The following LRIG1 variants were observed in gnomAD, a reference collection of about 807,000 sequenced individuals.
LRIG1 encodes leucine rich repeats and immunoglobulin like domains 1, also known as leucine-rich repeats and immunoglobulin-like domains protein 1.
LRIG1 carries 48 observed loss-of-function variants against 99.2 expected under a neutral mutation model. The ratio of observed to expected loss-of-function variants is 0.48; its 90% CI spans 0.38 to 0.62. LRIG1 has a LOEUF of 0.62. LRIG1 is among the 20% of genes least tolerant of loss of function. The pLI is 0.00. For synonymous variants in LRIG1, 772 were observed against 596.1 expected (o/e 1.29, Z -4.30); for missense variants, 1,646 against 1,434.4 (o/e 1.15, Z -2.38).
At chr3:66,397,139 C>A (rs1190521552) in intron 11 of LRIG1, among the ~76,000 whole-genome samples, 1 of 152,226 alleles carries the variant, frequency 6.6e-6, no homozygotes, top group Non-Finnish European at 1.5e-5. Flanking sequence ...CTGAGGCTCA[C>A]AGCATGCTGA....
At chr3:66,432,583 A>T (rs1703208776) in intron 3 of LRIG1, among the ~76,000 whole-genome samples, 1 of 152,156 alleles carries the variant, frequency 6.6e-6, no homozygotes, top group Admixed American at 6.5e-5. Context: ...CCCATTTTAC[A>T]GATGGGGATG....
rs149483623 is a variant in LRIG1, at chr3:66,492,744, T to C, written c.218+7446A>G. Among the ~76,000 whole-genome samples, 649 of 152,280 alleles carry C rather than the reference T, an allele frequency of 4.3e-3. 9 individuals are homozygous for C. The highest frequency in any genetic ancestry group is 0.015 in the African/African-American group (631 of 41,552). Reference sequence around the variant, plus strand: ...GGTTCATAAGGAAACCAAAATGTATTAGGACTTGCAGAAATGAACAGATTG... The same window carrying C: ...GGTTCATAAGGAAACCAAAATGTATCAGGACTTGCAGAAATGAACAGATTG... On this transcript the variant is annotated intron_variant, in intron 1 of 18. Coordinates refer to ENST00000273261, the MANE Select transcript of LRIG1 (RefSeq NM_015541.3).
At position 66,410,123 on chromosome 3, in the gene LRIG1, A is replaced by G; in HGVS notation, c.935+6T>C. 2 of 1,609,408 alleles carry G rather than the reference A, an allele frequency of 1.2e-6. No homozygotes were observed. Among genetic ancestry groups the G allele is most frequent in the South Asian group, 2.2e-5 (2 of 90,250 alleles). On this transcript the variant is annotated splice_donor_region_variant and intron_variant, in intron 7 of 18. Transcript: ENST00000273261. ...ACTGCCACAGCCCAGAGCCGAGGAC[A>G]CTTACAACTCATGCAGCTTCTGGCA...
At chr3:66,382,188 T>C (rs1701116262) in intron 16 of LRIG1, 85 bp downstream of exon 16, 2 of 1,526,252 alleles carry the variant, frequency 1.3e-6, no homozygotes, top group South Asian at 2.3e-5. Flanking sequence ...GCCAGGTACC[T>C]GCCCTGTAAA....
intron 2 of LRIG1, among the ~76,000 whole-genome samples, chr3:66,456,121 T>C (rs1253835060): frequency 1.3e-5 from 2 of 152,340 alleles, no homozygotes; most frequent in Non-Finnish European, 2.9e-5. Context: ...TTGCACCCTT[T>C]ATCAATCCAA....
chr3:66,443,530 C>T (rs1340548434), intron 3 of LRIG1, among the ~76,000 whole-genome samples: 10 of 151,934 alleles, frequency 6.6e-5, no homozygotes, highest in Non-Finnish European at 1.3e-4. Context: ...AGGAGGTTTG[C>T]AGAACAGGGA....
intron 3 of LRIG1, among the ~76,000 whole-genome samples, chr3:66,446,290 C>T (rs1252044220): frequency 6.6e-6 from 1 of 152,094 alleles, no homozygotes; most frequent in African/African-American, 2.4e-5. Flanking sequence ...GGAAGGTGAC[C>T]ACCTCCCCGC....
At chr3:66,465,726 T>C (rs1044832317) in intron 1 of LRIG1, among the ~76,000 whole-genome samples, 2 of 152,126 alleles carry the variant, frequency 1.3e-5, no homozygotes, top group Non-Finnish European at 2.9e-5. Flanking sequence ...TTTGTAACCA[T>C]TTTTAAGTGT....
At chr3:66,495,758 G>A (rs1214133968) in intron 1 of LRIG1, among the ~76,000 whole-genome samples, 1 of 152,168 alleles carries the variant, frequency 6.6e-6, no homozygotes, top group Non-Finnish European at 1.5e-5. Context: ...ACAGCACTGG[G>A]CCAGGTGCAT....
chr3:66,457,503 G>A (rs1401042329), intron 2 of LRIG1, among the ~76,000 whole-genome samples: 2 of 152,178 alleles, frequency 1.3e-5, no homozygotes, highest in African/African-American at 4.8e-5. Flanking sequence ...TCTAAACAAT[G>A]CACCCAGCTT....
intron 2 of LRIG1, among the ~76,000 whole-genome samples, chr3:66,452,319 C>T (rs567560196): frequency 6.6e-6 from 1 of 152,322 alleles, no homozygotes; most frequent in Admixed American, 6.5e-5. Flanking sequence ...ATATGTATTT[C>T]CATAGTTAAT....
At chr3:66,401,524 G>C in intron 9 of LRIG1, 1 of 911,150 alleles carries the variant, frequency 1.1e-6, no homozygotes, top group South Asian at 2.0e-5. Flanking sequence ...ATTTTTAACG[G>C]TGACAATAGC....
chr3:66,411,602 G>A (rs1022143121), intron 6 of LRIG1, among the ~76,000 whole-genome samples: 12 of 152,202 alleles, frequency 7.9e-5, no homozygotes, highest in African/African-American at 2.7e-4. Context: ...CACAGAGTAG[G>A]GAGGGCTGGT....
intron 1 of LRIG1, among the ~76,000 whole-genome samples, chr3:66,475,751 G>C (rs534570170): frequency 2.4e-4 from 37 of 152,232 alleles, no homozygotes; most frequent in African/African-American, 7.9e-4. Flanking sequence ...GCACAAACTC[G>C]TCAGGATGGT....
At chr3:66,401,639 G>T (rs761370901) in intron 9 of LRIG1, 9 of 1,530,726 alleles carry the variant, frequency 5.9e-6, no homozygotes, top group Non-Finnish European at 7.0e-6. Context: ...GGGCTGGGAC[G>T]GGGAGCTGCA....
At chr3:66,427,489 GTGA>G (rs1259603145) in intron 3 of LRIG1, among the ~76,000 whole-genome samples, 2 of 152,178 alleles carry the variant, frequency 1.3e-5, no homozygotes, top group Admixed American at 1.3e-4. Flanking sequence ...ACACATGAAG[GTGA>G]TGATTTCTCC....
chr3:66,484,952 G>A (rs755093738), intron 1 of LRIG1, among the ~76,000 whole-genome samples: 6 of 152,032 alleles, frequency 3.9e-5, no homozygotes, highest in East Asian at 1.9e-4. Flanking sequence ...CCAGGTGTTC[G>A]AGACCAGCCT....
At position 66,404,115 on chromosome 3, in the gene LRIG1, C is replaced by T. The variant is rs188284196; in HGVS notation, c.1160+1083G>A. On this transcript the variant is annotated intron_variant, in intron 9 of 18. Coordinates refer to ENST00000273261, the MANE Select transcript of LRIG1 (RefSeq NM_015541.3). ...GGAGTACAGGACGCTCAAGAAGTAC[C>T]TTCTTCAGACAGCCAACAGAGCTTA... 1.1e-5 allele frequency: 6 copies of T among 523,532 alleles called. No individual in the cohort carries two copies. The African/African-American group carries it at 1.2e-4, about 10-fold the overall frequency. 32.4% of individuals were successfully genotyped at this position (523,532 alleles called of 1,614,324 possible).
At chr3:66,383,829 T>G (rs577842158) in intron 14 of LRIG1, among the ~76,000 whole-genome samples, 162 bp downstream of exon 14, 1 of 152,248 alleles carries the variant, frequency 6.6e-6, no homozygotes, top group African/African-American at 2.4e-5. Flanking sequence ...ATAGAAACAC[T>G]TGTTTAAGAA....
Sources: gnomAD v4.1 joint callset for allele counts (sites outside exome capture counted in the v4.1 genomes callset) on GRCh38, gnomAD v4.1.1 for gene constraint, MANE v1.5 for transcripts, NCBI Gene and HGNC (gene_info 2026-07-23, HGNC 2026-07-21) for gene names.